TRPM4: variants seen among roughly 807,000 people sequenced by gnomAD.
TRPM4 encodes calcium-activated non-selective cation channel 1.
In TRPM4, 124 loss-of-function variants were observed where a neutral mutation model predicts 135.6. The observed-to-expected ratio is 0.91, with a 90% CI of 0.79 to 1.06. The LOEUF is 1.06. Ranked by LOEUF, TRPM4 falls within the 50% of genes least tolerant of loss-of-function variation. The probability of loss-of-function intolerance (pLI) is 0.00; values close to 1 mark genes in which losing one functional copy is unlikely to be tolerated. For missense variants in TRPM4, 1,658 were observed against 1,671.4 expected (o/e 0.99, Z 0.14); for synonymous variants, 745 against 705.6 (o/e 1.06, Z -0.88).
intron 16 of TRPM4, among the ~76,000 whole-genome samples, chr19:49,196,033 A>G (rs952659858): frequency 1.5e-4 from 23 of 151,498 alleles, no homozygotes; most frequent in Middle Eastern, 3.4e-3. Flanking sequence ...TAATTTTTGT[A>G]TTTTTAGTAG....
At chr19:49,203,041 C>T (rs1410141843) in intron 20 of TRPM4, among the ~76,000 whole-genome samples, 1 of 151,928 alleles carries the variant, frequency 6.6e-6, no homozygotes, top group Admixed American at 6.6e-5. Flanking sequence ...CAGGTGCCCG[C>T]CACCACGCCC....
chr19:49,197,032 T>C (rs1238758504), intron 17 of TRPM4, among the ~76,000 whole-genome samples, 158 bp downstream of exon 17: 1 of 152,184 alleles, frequency 6.6e-6, no homozygotes, highest in Non-Finnish European at 1.5e-5. Flanking sequence ...GGCATGACGA[T>C]TGCCCCAGGG....
rs772389167 is a variant in TRPM4 at position 49,171,552 on chromosome 19, G to GA, written c.859-24dup. 10 of 1,613,806 alleles carry GA rather than the reference G, an allele frequency of 6.2e-6. No individual in the cohort carries two copies. Among genetic ancestry groups the GA allele is most frequent in the Non-Finnish European group, 8.5e-6 (10 of 1,179,920 alleles). On this transcript the variant is annotated intron_variant, in intron 7 of 24. Transcript: ENST00000252826. The surrounding 1 kb of genome is among the most constrained non-coding windows in gnomAD (Gnocchi z 4.7). ...AATATCCTGCCTTTTCTGACGTGAT[G>GA]AATAAAGAATGCCTTTATCCTGTAG...
chr19:49,203,394 T>C (rs964146784), intron 20 of TRPM4, among the ~76,000 whole-genome samples: 16 of 152,172 alleles, frequency 1.1e-4, no homozygotes, highest in Non-Finnish European at 1.9e-4. Flanking sequence ...TTAGCCAGGA[T>C]GGTTTCGATC....
At position 49,211,682 on chromosome 19, in the gene TRPM4, C is replaced by G; in HGVS notation, c.*184C>G. On this transcript the variant is annotated 3_prime_UTR_variant, in exon 25 of 25. Transcript: ENST00000252826. This position sits in a 1 kb window ranked among gnomAD's most constrained non-coding sequence, Gnocchi z 4.8. ...CTTACAAACCACAGCATGCCCGGCT[C>G]CTCCCAGAACCAGTCCCAGCCTGGG... is the stretch of plus-strand genomic sequence containing the variant. 1.3e-6 allele frequency: 1 copy of G among 764,850 alleles called. No individual in the cohort carries two copies. Among genetic ancestry groups the G allele is most frequent in the South Asian group, 1.5e-5 (1 of 65,282 alleles). 47.4% of individuals were successfully genotyped at this position (764,850 alleles called of 1,614,324 possible). A position where few individuals can be genotyped will look rare whatever the true frequency, so the allele number is the denominator to read the frequency against.
At position 49,160,654 on chromosome 19, in the gene TRPM4, G is replaced by A. The variant is rs142448120; in HGVS notation, c.92+2395G>A. Among the ~76,000 whole-genome samples, 652 of 152,264 alleles carry A rather than the reference G, an allele frequency of 4.3e-3. 3 individuals carry two copies. Among genetic ancestry groups the A allele is most frequent in the Non-Finnish European group, 7.1e-3 (482 of 68,022 alleles). On this transcript the variant is annotated intron_variant, in intron 2 of 24. Transcript: ENST00000252826. Reference sequence around the variant, plus strand: ...GAGGAGGGCAGGGCCAGAGCTTGCAGGGTGTCAGAGGCCACCCTAAGGGGC... The same window carrying A: ...GAGGAGGGCAGGGCCAGAGCTTGCAAGGTGTCAGAGGCCACCCTAAGGGGC...
intron 14 of TRPM4, among the ~76,000 whole-genome samples, chr19:49,189,774 G>A (rs1055369791): frequency 5.9e-5 from 9 of 152,142 alleles, no homozygotes; most frequent in Admixed American, 2.6e-4. Context: ...CTGTTGGAAT[G>A]GTTTGGCTGA....
At chr19:49,159,880 G>T (rs933053977) in intron 2 of TRPM4, 5 of 152,174 alleles carry the variant, frequency 3.3e-5, no homozygotes, top group Non-Finnish European at 5.9e-5. Context: ...GTGCAGTATG[G>T]CTTGTAAATG....
rs67808134 is a variant in TRPM4 at position 49,161,323 on chromosome 19, C to CTTT, written c.92+3084_92+3086dup. ...AAATATCTGTCTTCTGTCTCTCTCTCTTTTTTTTTTTTTTTTTTTTTTGAG... is the reference window on the plus strand; with the variant it reads ...AAATATCTGTCTTCTGTCTCTCTCTCTTTTTTTTTTTTTTTTTTTTTTTTTGAG... On this transcript the variant is annotated intron_variant, in intron 2 of 24. Coordinates refer to ENST00000252826, the MANE Select transcript of TRPM4 (RefSeq NM_017636.4). Among the ~76,000 whole-genome samples the CTTT allele has an allele frequency of 7.5e-3, 760 of 101,030 alleles. 11 individuals carry two copies. The highest frequency in any genetic ancestry group is 0.016 in the South Asian group (46 of 2,944). 66.3% of individuals were successfully genotyped at this position (101,030 alleles called of 152,430 possible).
rs1233939357 is a variant in TRPM4 at position 49,210,023 on chromosome 19, A to G, written c.3132-186A>G. Among the ~76,000 whole-genome samples, 1 of 152,154 alleles carries G rather than the reference A, an allele frequency of 6.6e-6. No individual in the cohort carries two copies. The highest frequency in any genetic ancestry group is 1.5e-5 in the Non-Finnish European group (1 of 68,030). ...TCCGGCCTCCCAAAGTGCTGGGACT[A>G]CAGGCGTGACCAAACGCCCTTGGCT... On this transcript the variant is annotated intron_variant, in intron 20 of 24. Transcript: ENST00000252826. This position sits in a 1 kb window ranked among gnomAD's most constrained non-coding sequence, Gnocchi z 4.1.
chr19:49,186,370 T>A (rs1968196039), intron 12 of TRPM4, among the ~76,000 whole-genome samples: 1 of 152,210 alleles, frequency 6.6e-6, no homozygotes, highest in South Asian at 2.1e-4. Context: ...TCAGGTTTTC[T>A]CTGGTATTTT....
At position 49,210,717 on chromosome 19, in the gene TRPM4, C is replaced by T. The variant is rs368876449; in HGVS notation, c.3336C>T (p.Tyr1112=). 2 of 1,614,024 alleles carry T rather than the reference C, an allele frequency of 1.2e-6. No homozygotes were observed. Among genetic ancestry groups the T allele is most frequent in the African/African-American group, 2.7e-5 (2 of 74,924 alleles). The change falls in exon 22 of 25, where the codon TAC becomes TAT. Residue 1112 remains tyrosine (Y), a synonymous_variant. Coordinates refer to ENST00000252826, the MANE Select transcript of TRPM4 (RefSeq NM_017636.4). This position sits in a 1 kb window ranked among gnomAD's most constrained non-coding sequence, Gnocchi z 4.1. Reference sequence around the variant, plus strand: ...CTCCGCCCGCCCCTGCAGGGGTTTACCTTTCTAAGGAAGCCGAGCGGAAGC... The same window carrying T: ...CTCCGCCCGCCCCTGCAGGGGTTTATCTTTCTAAGGAAGCCGAGCGGAAGC... The part of the protein sequence containing the change: ...SSPALEHFRV[Y]LSKEAERKLL...
chr19:49,181,688 C>A (rs1804667019), intron 10 of TRPM4, among the ~76,000 whole-genome samples: 1 of 151,908 alleles, frequency 6.6e-6, no homozygotes, highest in African/African-American at 2.4e-5. Context: ...CCCGCCACCA[C>A]ACCCAGCTAA....
At chr19:49,198,804 G>A (rs1382218682) in intron 17 of TRPM4, among the ~76,000 whole-genome samples, 1 of 151,854 alleles carries the variant, frequency 6.6e-6, no homozygotes, top group Non-Finnish European at 1.5e-5. Context: ...TCACTCTGTT[G>A]CCCAGGCTGG....
intron 2 of TRPM4, 134 bp from the exon 3 acceptor site, chr19:49,165,907 C>T (rs1345742040): frequency 6.7e-6 from 6 of 892,348 alleles, no homozygotes. Flanking sequence ...GGGCCAGGGG[C>T]AGCGTGGACT....
At position 49,210,378 on chromosome 19, in the gene TRPM4, C is replaced by A. The variant is rs868058972; in HGVS notation, c.3301C>A (p.Pro1101Thr). ...GTGCAGGCGACCCCGGAGCCCCCAG[C>A]CGTCCTCCCCGGCCCTCGAGCATTT... is the stretch of plus-strand genomic sequence containing the variant. Reference protein sequence around the residue: ...QLCRRPRSPQPSSPALEHFRV... With the variant: ...QLCRRPRSPQTSSPALEHFRV... Residue 1101 changes from proline (P) to threonine (T), a missense_variant, in exon 21 of 25, where the codon CCG becomes ACG. Transcript: ENST00000252826. This position sits in a 1 kb window ranked among gnomAD's most constrained non-coding sequence, Gnocchi z 4.1. The A allele has an allele frequency of 6.2e-7, 1 of 1,613,824 alleles. No individual in the cohort carries two copies. Among genetic ancestry groups the A allele is most frequent in the African/African-American group, 1.3e-5 (1 of 74,938 alleles).
At position 49,172,008 on chromosome 19, in the gene TRPM4, G is replaced by A. The variant is rs1394482705; in HGVS notation, c.1051-1G>A. On this transcript the variant is annotated splice_acceptor_variant, in intron 8 of 24. Transcript: ENST00000252826. LOFTEE classifies it high-confidence loss of function. ...GGGATGCAGAACTGGCTATTCCACAGGTGGAGAGGATTATGACCCGGAAGG... is the reference window on the plus strand; with the variant it reads ...GGGATGCAGAACTGGCTATTCCACAAGTGGAGAGGATTATGACCCGGAAGG... The A allele has an allele frequency of 1.2e-6, 2 of 1,613,056 alleles. No homozygotes were observed. The highest frequency in any genetic ancestry group is 8.5e-7 in the Non-Finnish European group (1 of 1,179,056).
At position 49,201,981 on chromosome 19, in the gene TRPM4, A is replaced by G. The variant is rs199724586; in HGVS notation, c.2971A>G (p.Ser991Gly). The change falls in exon 20 of 25, where the codon AGC (serine) becomes GGC (glycine). Residue 991 changes from serine to glycine, a missense_variant. Ser to Gly is a moderately conservative substitution (Grantham distance 56). Coordinates refer to ENST00000252826, the MANE Select transcript of TRPM4 (RefSeq NM_017636.4). ...EDMDVALMEH[S>G]NCSSEPGFWA... is the part of the protein sequence containing the mutation. Reference sequence around the variant, plus strand: ...CTTCACAGTGGCCCTCATGGAGCACAGCAACTGCTCGTCGGAGCCCGGCTT... The same window carrying G: ...CTTCACAGTGGCCCTCATGGAGCACGGCAACTGCTCGTCGGAGCCCGGCTT... 6.2e-7 allele frequency: 1 copy of G among 1,613,784 alleles called. No individual in the cohort carries two copies. Among genetic ancestry groups the G allele is most frequent in the East Asian group, 2.2e-5 (1 of 44,874 alleles).
At chr19:49,183,388 A>T (rs776485864) in intron 12 of TRPM4, among the ~76,000 whole-genome samples, 176 bp downstream of exon 12, 1 of 151,588 alleles carries the variant, frequency 6.6e-6, no homozygotes, top group Non-Finnish European at 1.5e-5. Flanking sequence ...CTCTCACATC[A>T]TGCATTATTT....
Sources: allele counts gnomAD v4.1 joint callset (sites outside exome capture counted in the v4.1 genomes callset), GRCh38; gene constraint gnomAD v4.1.1; non-coding constraint Gnocchi (gnomAD v3.1); transcripts MANE v1.5; gene names NCBI Gene and HGNC (gene_info 2026-07-23, HGNC 2026-07-21).